The following MARCHF7 variants were observed in gnomAD, a reference collection of about 807,000 sequenced individuals.
MARCHF7 encodes the protein E3 ubiquitin-protein ligase MARCHF7.
In MARCHF7, 20 loss-of-function variants were observed where a neutral mutation model predicts 76.5. That is an observed-to-expected ratio of 0.26 (90% CI 0.18 to 0.38). The LOEUF is 0.38. Among genes scored for constraint, MARCHF7 ranks in the 10% least tolerant of loss-of-function variants. MARCHF7 has a pLI of 1.00. For missense variants in MARCHF7, 797 were observed against 812.9 expected (o/e 0.98, Z 0.24); for synonymous variants, 295 against 293.0 (o/e 1.01, Z -0.07).
chr2:159,746,154 C>T (rs1044560219), intron 6 of MARCHF7, among the ~76,000 whole-genome samples: 5 of 152,046 alleles, frequency 3.3e-5, no homozygotes, highest in African/African-American at 9.7e-5. Context: ...TCTACCTTTA[C>T]GTTGTTTAAC....
intron 4 of MARCHF7, among the ~76,000 whole-genome samples, chr2:159,740,137 C>T (rs1703957253): frequency 6.6e-6 from 1 of 152,130 alleles, no homozygotes; most frequent in Non-Finnish European, 1.5e-5. Flanking sequence ...TTCATAGGGA[C>T]TTATTTCTTG....
At chr2:159,743,885 TAGAC>T (rs570024798) in intron 5 of MARCHF7, among the ~76,000 whole-genome samples, 3 of 150,650 alleles carry the variant, frequency 2.0e-5, no homozygotes, top group South Asian at 2.1e-4. Flanking sequence ...TGTAGCCTGG[TAGAC>T]AGAGCAAGAC....
At chr2:159,754,034 A>G (rs1219937696) in intron 8 of MARCHF7, among the ~76,000 whole-genome samples, 2 of 152,212 alleles carry the variant, frequency 1.3e-5, no homozygotes, top group Non-Finnish European at 2.9e-5. Context: ...TACTTATTAG[A>G]TAACCATTTG....
At position 159,748,602 on chromosome 2, in the gene MARCHF7, A is replaced by AATG. The variant is rs770711420; in HGVS notation, c.1315_1317dup (p.Asp439dup). On this transcript the variant is annotated inframe_insertion, in exon 7 of 12. Coordinates refer to ENST00000409175, the MANE Select transcript of MARCHF7 (RefSeq NM_001282805.2). ...TGAAGTGGTTCACCTTGAAGCACAG[A>AATG]ATGATCCTCTTGGAGCTGCTGCCAA... 6.2e-7 allele frequency: 1 copy of AATG among 1,614,244 alleles called. No individual in the cohort carries two copies. Among genetic ancestry groups the AATG allele is most frequent in the South Asian group, 1.1e-5 (1 of 91,084 alleles).
At chr2:159,763,819 CTTTAT>C (rs776171434) in intron 10 of MARCHF7, among the ~76,000 whole-genome samples, 7 of 151,534 alleles carry the variant, frequency 4.6e-5, no homozygotes, top group East Asian at 1.9e-4. Context: ...AAAAATTTTT[CTTTAT>C]TTTATCATGT....
At chr2:159,748,964 C>CTT in intron 7 of MARCHF7, 61 bp downstream of exon 7, 1 of 764,460 alleles carries the variant, frequency 1.3e-6, no homozygotes, top group South Asian at 3.2e-5. Context: ...CTCTTCATTT[C>CTT]TTTTTTTTCT....
chr2:159,720,082 G>A (rs1387528234), intron 3 of MARCHF7, among the ~76,000 whole-genome samples: 1 of 152,130 alleles, frequency 6.6e-6, no homozygotes, highest in Non-Finnish European at 1.5e-5. Context: ...CTGGGGTGCA[G>A]TGGTGCCATC....
intron 3 of MARCHF7, among the ~76,000 whole-genome samples, chr2:159,727,528 C>G (rs1344755147): frequency 1.3e-5 from 2 of 152,098 alleles, no homozygotes; most frequent in Non-Finnish European, 2.9e-5. Flanking sequence ...GTGGAGCTTC[C>G]AGTGAGCCGA....
At chr2:159,764,262 G>GCC (rs1363905769) in intron 10 of MARCHF7, among the ~76,000 whole-genome samples, 2 of 147,764 alleles carry the variant, frequency 1.4e-5, no homozygotes, top group Non-Finnish European at 3.0e-5. Flanking sequence ...GTGTGCGCGC[G>GCC]CCCACTGAAA....
chr2:159,764,315 TTTG>T (rs1337634685), intron 10 of MARCHF7, among the ~76,000 whole-genome samples: 7 of 151,844 alleles, frequency 4.6e-5, no homozygotes, highest in Admixed American at 2.0e-4. Flanking sequence ...TTTTTTGTTT[TTTG>T]TTTTTTTTCC....
intron 4 of MARCHF7, among the ~76,000 whole-genome samples, chr2:159,729,389 C>A (rs772639766): frequency 6.6e-6 from 1 of 151,990 alleles, no homozygotes; most frequent in Non-Finnish European, 1.5e-5. Context: ...CATACTTTTG[C>A]GCTGGGAACG....
chr2:159,745,636 A>G (rs2125578732), intron 5 of MARCHF7, 134 bp from the exon 6 acceptor site: 6 of 574,376 alleles, frequency 1.0e-5, no homozygotes, highest in Non-Finnish European at 1.7e-5. Flanking sequence ...AGCCTGGGTG[A>G]CAGAGTGAGA....
chr2:159,768,606 G>T lies in MARCHF7; in HGVS notation c.*1264G>T, dbSNP rs150291156. ...GTTTGAAATGTTTCCTTTTAAACTG[G>T]TGCTCAAAGAAGACATCAGACTTCA... is the stretch of plus-strand genomic sequence containing the variant. On this transcript the variant is annotated 3_prime_UTR_variant, in exon 12 of 12. Coordinates refer to ENST00000409175, the MANE Select transcript of MARCHF7 (RefSeq NM_001282805.2). 2.9e-3 allele frequency: 444 copies of T among 152,596 alleles called. 3 individuals are homozygous for T. The highest frequency in any genetic ancestry group is 0.013 in the East Asian group (67 of 5,188). The allele number at this position is 152,596 out of a possible 1,614,324, so 9.5% of individuals were successfully genotyped here.
At chr2:159,747,767 T>A in intron 6 of MARCHF7, 38 bp from the exon 7 acceptor site, 2 of 1,521,118 alleles carry the variant, frequency 1.3e-6, no homozygotes, top group Non-Finnish European at 1.8e-6. Flanking sequence ...AATGCTCAAA[T>A]TATTTCATGT....
At chr2:159,741,276 G>T (rs187840046) in intron 4 of MARCHF7, among the ~76,000 whole-genome samples, 228 of 152,250 alleles carry the variant, frequency 1.5e-3, no homozygotes, top group Non-Finnish European at 2.6e-3. Context: ...GACTGAGGTG[G>T]GAGGATCAAG....
At chr2:159,720,616 T>C (rs931657367) in intron 3 of MARCHF7, among the ~76,000 whole-genome samples, 1 of 152,248 alleles carries the variant, frequency 6.6e-6, no homozygotes, top group African/African-American at 2.4e-5. Context: ...TTTTGCTGTA[T>C]ACTTAGTTAT....
At chr2:159,717,402 G>A (rs1701160133) in intron 3 of MARCHF7, among the ~76,000 whole-genome samples, 1 of 152,106 alleles carries the variant, frequency 6.6e-6, no homozygotes, top group South Asian at 2.1e-4. Flanking sequence ...ATAATAGAGT[G>A]GGTGGTAAAA....
intron 4 of MARCHF7, among the ~76,000 whole-genome samples, chr2:159,741,554 ATTAT>A (rs1217669536): frequency 2.0e-5 from 3 of 152,132 alleles, no homozygotes; most frequent in African/African-American, 7.2e-5. Flanking sequence ...TTATAGTGTA[ATTAT>A]TTATTTACTT....
chr2:159,715,611 G>A (rs142199203), intron 2 of MARCHF7, 70 bp from the exon 3 acceptor site: 150 of 152,240 alleles, frequency 9.9e-4, no homozygotes, highest in African/African-American at 3.4e-3. Flanking sequence ...CTCCCAAAGC[G>A]CTGTGATTAC....
Sources: gnomAD v4.1 joint callset for allele counts (sites outside exome capture counted in the v4.1 genomes callset) on GRCh38, gnomAD v4.1.1 for gene constraint, MANE v1.5 for transcripts, NCBI Gene and HGNC (gene_info 2026-07-23, HGNC 2026-07-21) for gene names.